EYS: variants seen among roughly 807,000 people sequenced by gnomAD.
EYS encodes the protein protein eyes shut homolog.
A neutral mutation model predicts 282.1 loss-of-function variants in EYS; 250 were observed. That is an observed-to-expected ratio of 0.89 (90% CI 0.80 to 0.98). The LOEUF (loss-of-function observed/expected upper bound fraction) is 0.98. Among genes scored for constraint, EYS ranks in the 50% least tolerant of loss-of-function variants. EYS has a pLI of 0.00. For missense variants in EYS, 4,016 were observed against 3,709.0 expected (o/e 1.08, Z -2.15); for synonymous variants, 1,355 against 1,282.9 (o/e 1.06, Z -1.20).
chr6:64,731,083 A>G (rs1305926736), intron 22 of EYS: 1 of 152,192 alleles, frequency 6.6e-6, no homozygotes, highest in Non-Finnish European at 1.5e-5. Context: ...AAAATAAAGC[A>G]TAATGAAACT....
intron 21 of EYS, among the ~76,000 whole-genome samples, chr6:64,821,069 C>T (rs546153040): frequency 5.9e-5 from 9 of 152,060 alleles, no homozygotes; most frequent in East Asian, 5.8e-4. Flanking sequence ...CCACCAAGAA[C>T]GGTCACAATT....
In EYS at chr6:64,388,690, C is replaced by T; in HGVS notation, c.6078G>A (p.Gln2026=). 6 of 1,526,112 alleles carry T rather than the reference C, an allele frequency of 3.9e-6. No homozygotes were observed. Among genetic ancestry groups the T allele is most frequent in the Non-Finnish European group, 5.3e-6 (6 of 1,135,614 alleles). 94.5% of individuals were successfully genotyped at this position (1,526,112 alleles called of 1,614,324 possible). A position where few individuals can be genotyped will look rare whatever the true frequency, so the allele number is the denominator to read the frequency against. The change falls in exon 29 of 43, where the codon CAG becomes CAA. Residue 2026 remains glutamine (Q), a splice_region_variant and synonymous_variant. Transcript: ENST00000503581. ...TATTTTAAAACATCTATAGAAATAC[C>T]TGGATTTTCCCATGAAGGTCTGGAA... The part of the protein sequence containing the change: ...GGFPDLHGKI[Q]MPVPVKNFTG...
chr6:64,094,143 T>C (rs1004435515), intron 31 of EYS, among the ~76,000 whole-genome samples: 2 of 152,092 alleles, frequency 1.3e-5, no homozygotes, highest in African/African-American at 2.4e-5. Context: ...GATGTGCTGC[T>C]GGATTCGGTT....
intron 12 of EYS, among the ~76,000 whole-genome samples, chr6:65,105,002 CAGTCTTTCCACT>C (rs1774994180): frequency 6.6e-6 from 1 of 151,514 alleles, no homozygotes; most frequent in Non-Finnish European, 1.5e-5. Context: ...AAACAAAATT[CAGTCTTTCCACT>C]AGTCTTTCCA....
At chr6:63,945,006 A>T (rs1423359228) in intron 35 of EYS, among the ~76,000 whole-genome samples, 2 of 152,202 alleles carry the variant, frequency 1.3e-5, no homozygotes, top group East Asian at 3.9e-4. Flanking sequence ...AGTAAAAAAA[A>T]ATATTGTCAA....
chr6:64,026,415 G>A (rs1168323273), intron 33 of EYS, among the ~76,000 whole-genome samples: 1 of 152,082 alleles, frequency 6.6e-6, no homozygotes, highest in African/African-American at 2.4e-5. Flanking sequence ...AAGCCATTGG[G>A]ACCAATTTGA....
chr6:63,850,516 GC>G (rs1336450469), intron 36 of EYS, among the ~76,000 whole-genome samples: 1 of 152,160 alleles, frequency 6.6e-6, no homozygotes, highest in East Asian at 1.9e-4. Context: ...GAAAGCGGGT[GC>G]CAATATTCAA....
intron 29 of EYS, among the ~76,000 whole-genome samples, chr6:64,333,335 T>G (rs1349619399): frequency 6.6e-6 from 1 of 152,156 alleles, no homozygotes; most frequent in African/African-American, 2.4e-5. Context: ...TTTTGATTGC[T>G]GCCAAGCTGC....
At chr6:65,518,923 C>T (rs929385211) in intron 2 of EYS, among the ~76,000 whole-genome samples, 10 of 152,170 alleles carry the variant, frequency 6.6e-5, no homozygotes, top group African/African-American at 2.4e-4. Flanking sequence ...CAGGTCTCTC[C>T]CATGACACGT....
intron 2 of EYS, among the ~76,000 whole-genome samples, chr6:65,519,288 GTGTT>G (rs781570653): frequency 4.6e-5 from 7 of 151,732 alleles, no homozygotes; most frequent in Non-Finnish European, 7.4e-5. Context: ...GCCTCTGTGT[GTGTT>G]TGTGTGTGTG....
chr6:64,127,058 C>A (rs980030369), intron 31 of EYS, among the ~76,000 whole-genome samples: 1 of 152,084 alleles, frequency 6.6e-6, no homozygotes, highest in African/African-American at 2.4e-5. Flanking sequence ...AAATTAAACT[C>A]TGAAAGGCAA....
chr6:65,139,222 A>G (rs1764253424), intron 12 of EYS, among the ~76,000 whole-genome samples: 1 of 152,168 alleles, frequency 6.6e-6, no homozygotes, highest in African/African-American at 2.4e-5. Flanking sequence ...AAAATGTGGT[A>G]CACATACACC....
intron 29 of EYS, among the ~76,000 whole-genome samples, chr6:64,313,015 C>G (rs1269750834): frequency 6.6e-6 from 1 of 152,216 alleles, no homozygotes; most frequent in Non-Finnish European, 1.5e-5. Flanking sequence ...GGGAACAAAA[C>G]TGGATGAACA....
intron 22 of EYS, among the ~76,000 whole-genome samples, chr6:64,664,037 A>G (rs1769141698): frequency 6.6e-6 from 1 of 152,180 alleles, no homozygotes; most frequent in Non-Finnish European, 1.5e-5. Flanking sequence ...ACCCTGCCCG[A>G]TCTGGAGGGA....
chr6:65,170,454 A>G (rs994435570), intron 12 of EYS, among the ~76,000 whole-genome samples: 33 of 151,680 alleles, frequency 2.2e-4, no homozygotes, highest in African/African-American at 7.2e-4. Flanking sequence ...GCATGGCCAA[A>G]TGATCTAGCT....
At chr6:65,050,215 C>T (rs138775953) in intron 13 of EYS, among the ~76,000 whole-genome samples, 321 of 151,518 alleles carry the variant, frequency 2.1e-3, no homozygotes, top group Non-Finnish European at 3.2e-3. Context: ...ACTCAGGTTC[C>T]CTATATGCTT....
intron 29 of EYS, among the ~76,000 whole-genome samples, chr6:64,387,260 A>G (rs1772943764): frequency 6.6e-6 from 1 of 152,024 alleles, no homozygotes; most frequent in Non-Finnish European, 1.5e-5. Flanking sequence ...TCAAATTTCT[A>G]ATTACAACTC....
chr6:64,476,113 A>T (rs3846796), intron 26 of EYS, among the ~76,000 whole-genome samples: 64,745 of 151,596 alleles, frequency 0.43, 14,500 homozygotes, highest in African/African-American at 0.59. Flanking sequence ...TTCTATTTTT[A>T]AAAAAAGAAA....
In EYS at chr6:65,391,302, T is replaced by C. The variant is rs186525277; in HGVS notation, c.1185-6802A>G. Among the ~76,000 whole-genome samples, 18 of 152,224 alleles carry C rather than the reference T, an allele frequency of 1.2e-4. No homozygotes were observed. The East Asian group carries it at 3.1e-3, about 26-fold the overall frequency. On this transcript the variant is annotated intron_variant, in intron 7 of 42. Transcript: ENST00000503581. ...TCTTGATGAGAAAATGGCAACAATG[T>C]CCTAGATATTTTTAATAGTTATATA...
Sources: allele counts gnomAD v4.1 joint callset (sites outside exome capture counted in the v4.1 genomes callset), GRCh38; gene constraint gnomAD v4.1.1; transcripts MANE v1.5; gene names NCBI Gene and HGNC (gene_info 2026-07-23, HGNC 2026-07-21).